Variants in PDXDC1 observed in about 807,000 individuals in gnomAD.
PDXDC1 encodes the protein pyridoxal-dependent decarboxylase domain-containing protein 1.
PDXDC1 carries 42 observed loss-of-function variants against 100.1 expected under a neutral mutation model. That is an observed-to-expected ratio of 0.42 (90% CI 0.33 to 0.54). The LOEUF (loss-of-function observed/expected upper bound fraction) is 0.54, where lower values mean the gene tolerates loss of function less well. PDXDC1 is among the 20% of genes least tolerant of loss of function. PDXDC1 has a pLI of 0.10. For missense variants in PDXDC1, 636 were observed against 979.2 expected (o/e 0.65, Z 4.68); for synonymous variants, 260 against 371.7 (o/e 0.70, Z 3.46).
rs543501370 is a variant in PDXDC1 at position 15,074,824 on chromosome 16, C to T, written c.1399+44768C>T. Reference sequence around the variant, plus strand: ...CACCATCTGGTCGAGCCGTTCAGGACCAGCCTTTGTTTCATGTTCAGTTTC... The same window carrying T: ...CACCATCTGGTCGAGCCGTTCAGGATCAGCCTTTGTTTCATGTTCAGTTTC... On this transcript the variant is annotated intron_variant, in intron 16 of 16. Transcript: ENST00000535621. The T allele has an allele frequency of 1.0e-4, 168 of 1,613,562 alleles. 2 individuals carry two copies. In the South Asian group the frequency reaches 1.8e-3, roughly 17 times the overall value.
chr16:15,131,069 C>G lies in PDXDC1; in HGVS notation c.1400-7810C>G, dbSNP rs1239420654. 8 of 1,601,120 alleles carry G rather than the reference C, an allele frequency of 5.0e-6. No homozygotes were observed. The African/African-American group carries it at 8.0e-5, about 16-fold the overall frequency. ...AACAAGGCCAGGGGGCCGCGTGTGC[C>G]TCACCCGCTGCACGCACCGTCCAGC... On this transcript the variant is annotated intron_variant, in intron 16 of 16. Transcript: ENST00000535621.
chr16:15,151,842 A>T, the PDXDC1 span, among the ~76,000 whole-genome samples: 1 of 134,266 alleles, frequency 7.4e-6, no homozygotes, highest in African/African-American at 2.5e-5. Context: ...GAGGCAGGAA[A>T]AGCGCTTGAA....
At chr16:15,079,369 A>T (rs1336313869) in intron 16 of PDXDC1, among the ~76,000 whole-genome samples, 3 of 152,218 alleles carry the variant, frequency 2.0e-5, no homozygotes, top group Non-Finnish European at 4.4e-5. Flanking sequence ...AAACAGGAAA[A>T]ATCACTTCCG....
chr16:15,142,082 C>G (rs2048484409), downstream of PDXDC1, among the ~76,000 whole-genome samples: 1 of 152,180 alleles, frequency 6.6e-6, no homozygotes, highest in African/African-American at 2.4e-5. Flanking sequence ...GCATGGGGAG[C>G]AGCTCCCACC....
chr16:15,083,418 A>G (rs1215082980), intron 16 of PDXDC1: 2 of 1,544,920 alleles, frequency 1.3e-6, no homozygotes, highest in Non-Finnish European at 1.7e-6. Flanking sequence ...AAAGAAAAAG[A>G]AAGACTGGAA....
In PDXDC1 at chr16:15,078,143, A is replaced by G. The variant is rs184197734; in HGVS notation, c.1399+48087A>G. On this transcript the variant is annotated intron_variant, in intron 16 of 16. Coordinates refer to the PDXDC1 transcript ENST00000535621. ...CTAAAATGTTCCTTAAGTATATACC[A>G]GAGAAAGACTATAAAGAGTACATAT... Among the ~76,000 whole-genome samples the G allele has an allele frequency of 6.6e-5, 10 of 152,346 alleles. No homozygotes were observed. The East Asian group carries it at 1.7e-3, about 26-fold the overall frequency.
chr16:15,094,683 G>C (rs987959248), intron 16 of PDXDC1: 7 of 201,806 alleles, frequency 3.5e-5, no homozygotes, highest in Non-Finnish European at 6.0e-5. Context: ...TCTATACTCA[G>C]TGCAGCAGTC....
At chr16:15,015,421 A>G (rs1311070892) in intron 8 of PDXDC1, among the ~76,000 whole-genome samples, 1 of 152,212 alleles carries the variant, frequency 6.6e-6, no homozygotes, top group Non-Finnish European at 1.5e-5. Context: ...CCTAAAAGAA[A>G]TAACAGTTAT....
At chr16:15,143,143 C>T (rs1346066832), downstream of PDXDC1, among the ~76,000 whole-genome samples, 1 of 152,152 alleles carries the variant, frequency 6.6e-6, no homozygotes, top group Non-Finnish European at 1.5e-5. Context: ...CCCCCAGCGC[C>T]GAGCGTCCGA....
chr16:15,143,643 T>C (rs900494507), downstream of PDXDC1, among the ~76,000 whole-genome samples: 1 of 152,220 alleles, frequency 6.6e-6, no homozygotes, highest in African/African-American at 2.4e-5. Flanking sequence ...CTGGGCCTTC[T>C]GCCCCACAGG....
intron 16 of PDXDC1, among the ~76,000 whole-genome samples, chr16:15,095,561 A>G (rs1598042292): frequency 6.6e-6 from 1 of 152,092 alleles, no homozygotes; most frequent in Admixed American, 6.5e-5. Flanking sequence ...TTAAAAATGC[A>G]TATGTATGGG....
chr16:15,065,110 A>G, intron 16 of PDXDC1: 2 of 1,122,234 alleles, frequency 1.8e-6, no homozygotes, highest in Non-Finnish European at 1.3e-6. Context: ...AGCTTGCGGT[A>G]AGCCGAGATC....
intron 1 of PDXDC1, among the ~76,000 whole-genome samples, chr16:14,985,915 A>G (rs1969255062): frequency 6.6e-6 from 1 of 152,254 alleles, no homozygotes; most frequent in Admixed American, 6.5e-5. Flanking sequence ...CCTGGGTGAC[A>G]TAGTAGGACC....
chr16:15,099,001 T>C (rs1280766002), intron 16 of PDXDC1, among the ~76,000 whole-genome samples: 1 of 152,246 alleles, frequency 6.6e-6, no homozygotes, highest in Non-Finnish European at 1.5e-5. Context: ...TTTTGAAGGC[T>C]GTGCCAATGT....
At chr16:15,110,158 AAAAG>A (rs989164169) in intron 16 of PDXDC1, among the ~76,000 whole-genome samples, 5 of 150,234 alleles carry the variant, frequency 3.3e-5, no homozygotes, top group Admixed American at 1.3e-4. Context: ...GAAAAAAAAA[AAAAG>A]AGAGAGAGAG....
chr16:15,042,558 T>C (rs781517321), downstream of PDXDC1, among the ~76,000 whole-genome samples: 1 of 152,192 alleles, frequency 6.6e-6, no homozygotes, highest in Non-Finnish European at 1.5e-5. Context: ...TTTCATGTGT[T>C]ATTTTTTAGC....
At chr16:15,140,397 T>C (rs1178346681), downstream of PDXDC1, among the ~76,000 whole-genome samples, 1 of 131,480 alleles carries the variant, frequency 7.6e-6, no homozygotes, top group Non-Finnish European at 1.5e-5. Flanking sequence ...TGAGCTGAGA[T>C]CGCGCCCCTG....
At chr16:15,076,658 A>G (rs778571478) in intron 16 of PDXDC1, 3 of 1,561,128 alleles carry the variant, frequency 1.9e-6, no homozygotes, top group African/African-American at 2.7e-5. Context: ...CACCTATAAC[A>G]AAGGGAGAAA....
chr16:15,125,840 A>C (rs751559968), intron 16 of PDXDC1: 2 of 895,272 alleles, frequency 2.2e-6, no homozygotes, highest in Admixed American at 3.8e-5. Flanking sequence ...AGCGGGCGGC[A>C]GCTCAGACCT....
Sources: gnomAD v4.1 joint callset for allele counts (sites outside exome capture counted in the v4.1 genomes callset) on GRCh38, gnomAD v4.1.1 for gene constraint, MANE v1.5 for transcripts, NCBI Gene and HGNC (gene_info 2026-07-23, HGNC 2026-07-21) for gene names.